Variants in S100Z observed in about 807,000 individuals in gnomAD.
The protein encoded by S100Z is S100 calcium binding protein Z, also known as protein S100-Z.
Under a neutral mutation model 8.5 loss-of-function variants are expected in S100Z, and 11 were observed. That is an observed-to-expected ratio of 1.30 (90% confidence interval 0.82 to 2.15). S100Z has a LOEUF of 2.15. S100Z is among the 30% of genes most tolerant of loss of function. S100Z has a pLI of 0.00. For missense variants in S100Z, 126 were observed against 117.9 expected (o/e 1.07, Z -0.32); for synonymous variants, 34 against 43.8 (o/e 0.78, Z 0.89).
intron 4 of S100Z, among the ~76,000 whole-genome samples, chr5:76,902,788 A>G (rs181867547): frequency 6.6e-6 from 1 of 152,158 alleles, no homozygotes; most frequent in African/African-American, 2.4e-5. Context: ...GAACATTAGG[A>G]CAGACTTACT....
At chr5:76,868,637 T>TG (rs1742878009) in intron 1 of S100Z, among the ~76,000 whole-genome samples, 1 of 151,166 alleles carries the variant, frequency 6.6e-6, no homozygotes, top group Non-Finnish European at 1.5e-5. Flanking sequence ...TTTTTTTTTT[T>TG]TTTTGCGACA....
At chr5:76,898,153 T>G (rs926214802) in intron 4 of S100Z, among the ~76,000 whole-genome samples, 13 of 3,986 alleles carry the variant, frequency 3.3e-3, no homozygotes, top group African/African-American at 0.016. Context: ...TTGAGTTATA[T>G]TCTTTTTTTT....
chr5:76,902,910 G>T (rs554834250), intron 4 of S100Z, among the ~76,000 whole-genome samples: 9 of 152,320 alleles, frequency 5.9e-5, no homozygotes, highest in African/African-American at 2.2e-4. Context: ...AGGCGGCTGG[G>T]CACGGTGGCT....
At chr5:76,929,519 A>G in the S100Z span, among the ~76,000 whole-genome samples, 1 of 152,324 alleles carries the variant, frequency 6.6e-6, no homozygotes, top group African/African-American at 2.4e-5. Context: ...GCCAAATATA[A>G]GTGCATGACA....
At chr5:76,899,726 A>C (rs1386944934) in intron 4 of S100Z, among the ~76,000 whole-genome samples, 3 of 152,058 alleles carry the variant, frequency 2.0e-5, no homozygotes, top group Admixed American at 2.0e-4. Flanking sequence ...TGTTGTAGTT[A>C]TTATTTTTGG....
At chr5:76,942,945 ACAGT>A in the S100Z span, among the ~76,000 whole-genome samples, 8 of 152,232 alleles carry the variant, frequency 5.3e-5, no homozygotes, top group Admixed American at 5.2e-4. Flanking sequence ...GCTTAAAACA[ACAGT>A]CATTTATTAT....
chr5:76,921,380 C>T lies in S100Z; in HGVS notation c.*666C>T, dbSNP rs1046053188. On this transcript the variant is annotated 3_prime_UTR_variant, in exon 5 of 5. Transcript: ENST00000317593. ...TGAATCTTGAATAAAATTCTTGTTC[C>T]TTCTCTTTGGATGGGTATTCAGACT... The T allele has an allele frequency of 1.6e-4, 25 of 152,152 alleles. No homozygotes were observed. The highest frequency in any genetic ancestry group is 4.3e-4 in the African/African-American group (18 of 41,510). The allele number at this position is 152,152 out of a possible 1,614,324, so 9.4% of individuals were successfully genotyped here.
chr5:76,947,592 C>A, the S100Z span, among the ~76,000 whole-genome samples: 1 of 152,130 alleles, frequency 6.6e-6, no homozygotes, highest in East Asian at 1.9e-4. Context: ...GCACGAGGCA[C>A]CACACTTCCT....
At chr5:76,880,066 A>T (rs975989283) in intron 4 of S100Z, among the ~76,000 whole-genome samples, 1 of 152,154 alleles carries the variant, frequency 6.6e-6, no homozygotes. Flanking sequence ...TGGAGTTAGG[A>T]GCAATGTTTT....
chr5:76,916,576 T>G (rs866334103), intron 4 of S100Z, among the ~76,000 whole-genome samples: 30 of 142,552 alleles, frequency 2.1e-4, no homozygotes, highest in African/African-American at 7.8e-4. Flanking sequence ...CCCATTGAAA[T>G]CCTAAGAGTG....
chr5:76,861,955 T>C (rs1751068650), intron 1 of S100Z, among the ~76,000 whole-genome samples: 4 of 152,150 alleles, frequency 2.6e-5, no homozygotes, highest in Admixed American at 2.6e-4. Context: ...CCTTTAACAT[T>C]GTTTAAGTTA....
At chr5:76,886,569 C>T (rs553872600) in intron 4 of S100Z, among the ~76,000 whole-genome samples, 14 of 152,228 alleles carry the variant, frequency 9.2e-5, no homozygotes, top group African/African-American at 2.4e-4. Flanking sequence ...TCCCGCTGAC[C>T]GGGGTCTTTG....
chr5:76,940,724 T>C, the S100Z span, among the ~76,000 whole-genome samples: 3 of 152,178 alleles, frequency 2.0e-5, no homozygotes, highest in Admixed American at 6.5e-5. Flanking sequence ...CATGAACCAA[T>C]CTCTATGTAA....
At chr5:76,913,531 C>G (rs1744741142) in intron 4 of S100Z, among the ~76,000 whole-genome samples, 1 of 152,174 alleles carries the variant, frequency 6.6e-6, no homozygotes, top group Non-Finnish European at 1.5e-5. Flanking sequence ...ATGGACTGAA[C>G]AAGGTTTTAT....
intron 4 of S100Z, among the ~76,000 whole-genome samples, chr5:76,886,242 G>A (rs1340340775): frequency 2.0e-5 from 3 of 152,202 alleles, no homozygotes; most frequent in Non-Finnish European, 4.4e-5. Context: ...AACACTAAGG[G>A]AAGGCTGCCT....
intron 1 of S100Z, among the ~76,000 whole-genome samples, chr5:76,864,158 C>T (rs1461431218): frequency 6.6e-6 from 1 of 152,094 alleles, no homozygotes; most frequent in Non-Finnish European, 1.5e-5. Flanking sequence ...GGACCAACCA[C>T]ATATATGACA....
chr5:76,949,362 C>T, the S100Z span, among the ~76,000 whole-genome samples: 2 of 151,666 alleles, frequency 1.3e-5, no homozygotes, highest in Non-Finnish European at 2.9e-5. Context: ...GCACTCCAGC[C>T]TGGGCAACAC....
intron 3 of S100Z, among the ~76,000 whole-genome samples, chr5:76,876,719 T>G (rs1289412868): frequency 6.6e-6 from 1 of 152,168 alleles, no homozygotes; most frequent in East Asian, 1.9e-4. Context: ...ACTCAGTAGG[T>G]CAAACTTCGC....
intron 4 of S100Z, among the ~76,000 whole-genome samples, chr5:76,900,146 T>C (rs918325871): frequency 7.9e-5 from 12 of 152,222 alleles, no homozygotes; most frequent in African/African-American, 2.9e-4. Flanking sequence ...TTTCTTTTGC[T>C]GCTTTTAGGA....
Sources: allele counts gnomAD v4.1 joint callset (sites outside exome capture counted in the v4.1 genomes callset), GRCh38; gene constraint gnomAD v4.1.1; transcripts MANE v1.5; gene names NCBI Gene and HGNC (gene_info 2026-07-23, HGNC 2026-07-21).